The following STXBP5L variants were observed in gnomAD, a reference collection of about 807,000 sequenced individuals.
STXBP5L encodes the protein syntaxin binding protein 5L, also known as syntaxin-binding protein 5-like.
STXBP5L carries 65 observed loss-of-function variants against 144.5 expected under a neutral mutation model. The ratio of observed to expected loss-of-function variants is 0.45; its 90% CI spans 0.37 to 0.55. The LOEUF (loss-of-function observed/expected upper bound fraction) is 0.55. Among genes scored for constraint, STXBP5L ranks in the 20% least tolerant of loss-of-function variants. STXBP5L has a pLI of 0.00. For missense variants in STXBP5L, 1,298 were observed against 1,405.5 expected (o/e 0.92, Z 1.22); for synonymous variants, 505 against 469.6 (o/e 1.08, Z -0.97).
At chr3:121,363,848 C>T (rs1007777608) in intron 20 of STXBP5L, among the ~76,000 whole-genome samples, 2 of 151,976 alleles carry the variant, frequency 1.3e-5, no homozygotes, top group Admixed American at 6.6e-5. Flanking sequence ...TCTTGCTATG[C>T]CTCCTATCTT....
At chr3:121,131,223 C>T (rs2044975491) in intron 7 of STXBP5L, among the ~76,000 whole-genome samples, 1 of 151,992 alleles carries the variant, frequency 6.6e-6, no homozygotes. Flanking sequence ...AAACTAAGGA[C>T]ATTTTTAAAC....
At chr3:121,377,214 C>T (rs2046209655) in intron 20 of STXBP5L, among the ~76,000 whole-genome samples, 1 of 152,116 alleles carries the variant, frequency 6.6e-6, no homozygotes, top group Non-Finnish European at 1.5e-5. Context: ...TTTGAATACC[C>T]TTTATTTCTT....
At chr3:121,017,796 G>A (rs1030935172) in intron 3 of STXBP5L, among the ~76,000 whole-genome samples, 1 of 151,900 alleles carries the variant, frequency 6.6e-6, no homozygotes, top group African/African-American at 2.4e-5. Context: ...ATGGGGGGGT[G>A]GTGAAGGTGA....
chr3:121,168,005 T>A (rs2046564361), intron 9 of STXBP5L, among the ~76,000 whole-genome samples: 1 of 152,088 alleles, frequency 6.6e-6, no homozygotes, highest in Non-Finnish European at 1.5e-5. Flanking sequence ...ATCTTCGCTG[T>A]TCTGCAGCCA....
chr3:121,359,031 C>A (rs1052101059), intron 20 of STXBP5L, among the ~76,000 whole-genome samples: 1 of 152,022 alleles, frequency 6.6e-6, no homozygotes, highest in Non-Finnish European at 1.5e-5. Flanking sequence ...TTTGGAGGAA[C>A]CTCCAAACTG....
chr3:120,965,056 G>C (rs893316873), intron 3 of STXBP5L, among the ~76,000 whole-genome samples: 1 of 151,988 alleles, frequency 6.6e-6, no homozygotes, highest in South Asian at 2.1e-4. Flanking sequence ...GATCTTTGTT[G>C]GTTTAAAGTC....
chr3:120,995,952 A>G (rs1273181381), intron 3 of STXBP5L, among the ~76,000 whole-genome samples: 1 of 152,064 alleles, frequency 6.6e-6, no homozygotes, highest in Non-Finnish European at 1.5e-5. Context: ...TACAGAATCA[A>G]ATTATCTTAG....
intron 9 of STXBP5L, among the ~76,000 whole-genome samples, chr3:121,174,961 C>T (rs2046876158): frequency 6.6e-6 from 1 of 152,018 alleles, no homozygotes; most frequent in Admixed American, 6.6e-5. Context: ...CCAGACAACC[C>T]TACCTTTAGA....
intron 3 of STXBP5L, among the ~76,000 whole-genome samples, chr3:120,960,540 A>C (rs544253767): frequency 6.6e-6 from 1 of 152,360 alleles, no homozygotes; most frequent in Non-Finnish European, 1.5e-5. Flanking sequence ...CTGGATTAAG[A>C]AAATATGACA....
At chr3:120,975,002 C>G (rs1174954574) in intron 3 of STXBP5L, among the ~76,000 whole-genome samples, 2 of 152,064 alleles carry the variant, frequency 1.3e-5, no homozygotes, top group African/African-American at 2.4e-5. Flanking sequence ...GTTCTTTTGG[C>G]TTAGGATTGA....
At chr3:121,018,647 G>A (rs1945315522) in intron 3 of STXBP5L, among the ~76,000 whole-genome samples, 1 of 151,272 alleles carries the variant, frequency 6.6e-6, no homozygotes. Context: ...GATAACAGAA[G>A]AAAACCTAGG....
At chr3:121,313,855 G>A (rs1296421203) in intron 19 of STXBP5L, among the ~76,000 whole-genome samples, 2 of 142,420 alleles carry the variant, frequency 1.4e-5, no homozygotes, top group East Asian at 2.2e-4. Context: ...CGGTTGCCAG[G>A]CAGAGGGTTT....
At chr3:121,240,012 C>A (rs967675947) in intron 13 of STXBP5L, among the ~76,000 whole-genome samples, 2 of 152,108 alleles carry the variant, frequency 1.3e-5, no homozygotes, top group Non-Finnish European at 2.9e-5. Context: ...CAAGATTCAA[C>A]TATTTACAAT....
At chr3:121,220,402 G>T (rs1367472155) in intron 10 of STXBP5L, among the ~76,000 whole-genome samples, 3 of 151,894 alleles carry the variant, frequency 2.0e-5, no homozygotes, top group African/African-American at 4.8e-5. Context: ...TCCCTTAATA[G>T]AATCTTTGTA....
chr3:121,034,090 G>A (rs945029613), intron 3 of STXBP5L, among the ~76,000 whole-genome samples: 21 of 152,086 alleles, frequency 1.4e-4, no homozygotes, highest in African/African-American at 5.1e-4. Flanking sequence ...GGTAGCAAAT[G>A]GAGGTTAGTG....
chr3:121,283,981 G>A (rs1202569800), intron 19 of STXBP5L, among the ~76,000 whole-genome samples: 1 of 150,586 alleles, frequency 6.6e-6, no homozygotes, highest in Non-Finnish European at 1.5e-5. Flanking sequence ...ACTTCTTTTG[G>A]CTTTACAGTA....
intron 3 of STXBP5L, among the ~76,000 whole-genome samples, chr3:120,966,726 G>A (rs1939624643): frequency 1.3e-5 from 2 of 152,260 alleles, no homozygotes; most frequent in South Asian, 4.2e-4. Flanking sequence ...CTACTGGGAG[G>A]TGTGTTCCAC....
intron 3 of STXBP5L, among the ~76,000 whole-genome samples, chr3:121,002,734 T>A (rs1943894430): frequency 7.6e-6 from 1 of 131,662 alleles, no homozygotes; most frequent in East Asian, 2.6e-4. Flanking sequence ...GGCCCCAGTG[T>A]GTGATGTTCC....
At chr3:121,070,453 C>G (rs3845849) in intron 5 of STXBP5L, among the ~76,000 whole-genome samples, 32,448 of 152,044 alleles carry the variant, frequency 0.21, 3,692 homozygotes, top group Non-Finnish European at 0.26. Context: ...AGGGGGGTGT[C>G]ACACTTTGCA....
Sources: allele counts gnomAD v4.1 joint callset (sites outside exome capture counted in the v4.1 genomes callset), GRCh38; gene constraint gnomAD v4.1.1; transcripts MANE v1.5; gene names NCBI Gene and HGNC (gene_info 2026-07-23, HGNC 2026-07-21).